Variants in TEX15 observed in about 807,000 individuals in gnomAD.
TEX15 encodes testis expressed 15, meiosis and synapsis associated, also known as testis-expressed protein 15.
Under a neutral mutation model 237.3 loss-of-function variants are expected in TEX15, and 171 were observed. The observed-to-expected ratio is 0.72, with a 90% confidence interval of 0.64 to 0.82. The LOEUF (loss-of-function observed/expected upper bound fraction) is 0.82. Ranked by LOEUF, TEX15 falls within the 40% of genes least tolerant of loss-of-function variation. The probability of loss-of-function intolerance (pLI) is 0.00; values close to 1 mark genes in which losing one functional copy is unlikely to be tolerated. For missense variants in TEX15, 3,750 were observed against 3,646.5 expected (o/e 1.03, Z -0.73); for synonymous variants, 1,338 against 1,269.8 (o/e 1.05, Z -1.14).
rs150165328 is a variant in TEX15 at position 30,842,559 on chromosome 8, A to T, written c.7608T>A (p.Tyr2536Ter). The change falls in exon 8 of 11, where the codon TAT (tyrosine) becomes TAA (stop). Residue 2536 changes from tyrosine (Y) to a stop codon, truncating the protein, a stop_gained. Coordinates refer to ENST00000643185, the MANE Select transcript of TEX15 (RefSeq NM_001350162.2). LOFTEE classifies it high-confidence loss of function. ...GTTCTCTTGAGAGCAAATGAATAGC[A>T]TATGAGCAATTAACAGCTTCATTAT... ...CKYNEAVNCSYAIHLLSRELQ... is the reference protein window; with the variant it reads ...CKYNEAVNCS The T allele has an allele frequency of 2.5e-6, 4 of 1,610,724 alleles. No homozygotes were observed. Among genetic ancestry groups the T allele is most frequent in the Non-Finnish European group, 3.4e-6 (4 of 1,179,612 alleles).
In TEX15 at chr8:30,849,095, T is replaced by C. The variant is rs1301792373; in HGVS notation, c.1072A>G (p.Ser358Gly). ...GCTAAACTGTGCTCTGTCTGTCCAC[T>C]GTATGTTTCAGGTATAGAAATGTTT... ...NGNISIPETY[S>G]GQTEHSLAEI... is the part of the protein sequence containing the mutation. Residue 358 changes from serine to glycine, a missense_variant, in exon 8 of 11, where the codon AGT becomes GGT. Ser to Gly is a moderately conservative substitution (Grantham distance 56). Transcript: ENST00000643185. 6.8e-6 allele frequency: 11 copies of C among 1,612,394 alleles called. No homozygotes were observed. The highest frequency in any genetic ancestry group is 3.3e-5 in the South Asian group (3 of 90,988).
intron 4 of TEX15, among the ~76,000 whole-genome samples, chr8:30,871,461 G>A (rs981442384): frequency 5.9e-5 from 9 of 152,066 alleles, no homozygotes; most frequent in Admixed American, 2.0e-4. Flanking sequence ...GCCACCAGAA[G>A]AGAAACAGAC....
intron 3 of TEX15, among the ~76,000 whole-genome samples, chr8:30,882,385 C>T (rs999858908): frequency 2.2e-4 from 34 of 152,228 alleles, no homozygotes; most frequent in Non-Finnish European, 2.1e-4. Context: ...CTCCTGGGCT[C>T]ACACCATTCT....
intron 3 of TEX15, among the ~76,000 whole-genome samples, chr8:30,885,126 C>T (rs1456921088): frequency 1.3e-5 from 2 of 151,776 alleles, no homozygotes; most frequent in African/African-American, 4.8e-5. Flanking sequence ...GGGTATTTTC[C>T]AGCTATCTTT....
At chr8:30,890,650 C>G (rs550636971) in intron 2 of TEX15, 1 of 152,208 alleles carries the variant, frequency 6.6e-6, no homozygotes, top group Non-Finnish European at 1.5e-5. Flanking sequence ...GCTTGCCAGA[C>G]TTCTATGACT....
chr8:30,875,161 C>T, intron 3 of TEX15, 59 bp from the exon 4 acceptor site: 6 of 1,087,074 alleles, frequency 5.5e-6, no homozygotes, highest in Non-Finnish European at 5.8e-6. Flanking sequence ...GACATCTGTA[C>T]AATGACAACT....
chr8:30,848,218 T>G lies in TEX15; in HGVS notation c.1949A>C (p.Glu650Ala), dbSNP rs771556414. ...WKEIDNDFTN[E>A]TKISPIDNYI... Reference sequence around the variant, plus strand: ...ATTATCTATTGGACTGATTTTTGTTTCATTAGTGAAATCATTATCAATTTC... The same window carrying G: ...ATTATCTATTGGACTGATTTTTGTTGCATTAGTGAAATCATTATCAATTTC... Residue 650 changes from glutamate to alanine, a missense_variant, in exon 8 of 11, where the codon GAA becomes GCA. Glu to Ala is a moderately radical substitution (Grantham distance 107). Transcript: ENST00000643185. The G allele has an allele frequency of 6.2e-7, 1 of 1,612,840 alleles. No homozygotes were observed. Among genetic ancestry groups the G allele is most frequent in the South Asian group, 1.1e-5 (1 of 90,666 alleles).
chr8:30,846,183 CCT>C lies in TEX15; in HGVS notation c.3982_3983del (p.Arg1328GlufsTer9). On this transcript the variant is annotated frameshift_variant, in exon 8 of 11. Coordinates refer to ENST00000643185, the MANE Select transcript of TEX15 (RefSeq NM_001350162.2). LOFTEE classifies it high-confidence loss of function. ...CAGATGAGTCTTGACTGGTTAGCCT[CCT>C]CTTTCTCCCATAAATTTTATGTCGT... ...LRRHKIYGRKRRLTSQDSSEC... is the reference protein window; with the variant it reads ...LRRHKIYGRKXRLTSQDSSEC... 6.2e-7 allele frequency: 1 copy of C among 1,613,132 alleles called. No individual in the cohort carries two copies. Among genetic ancestry groups the C allele is most frequent in the Non-Finnish European group, 8.5e-7 (1 of 1,179,566 alleles).
chr8:30,904,256 G>A (rs1809056425), intron 1 of TEX15, among the ~76,000 whole-genome samples: 1 of 152,138 alleles, frequency 6.6e-6, no homozygotes, highest in Non-Finnish European at 1.5e-5. Context: ...AGACCAGCCT[G>A]GCCAACACGG....
rs1438820495 is a variant in TEX15 at position 30,833,323 on chromosome 8, G to A, written c.9482C>T (p.Ala3161Val). ...FVPPEVPWVY[A>V]PWHQESFHPG... ...ATGAAAGGATTCTTGGTGCCATGGA[G>A]CTGGAAGAAAAAACACCACAAAGAT... The change falls in exon 11 of 11, where the codon GCT becomes GTT. Residue 3161 changes from alanine (A) to valine (V), a missense_variant and splice_region_variant. By Grantham distance (64) the Ala-to-Val change is moderately conservative (BLOSUM62 0). Coordinates refer to ENST00000643185, the MANE Select transcript of TEX15 (RefSeq NM_001350162.2). 6.3e-7 allele frequency: 1 copy of A among 1,593,018 alleles called. No individual in the cohort carries two copies. Among genetic ancestry groups the A allele is most frequent in the South Asian group, 1.1e-5 (1 of 87,246 alleles).
At chr8:30,912,380 AT>A (rs1199573685) in intron 1 of TEX15, among the ~76,000 whole-genome samples, 1 of 143,532 alleles carries the variant, frequency 7.0e-6, no homozygotes, top group Non-Finnish European at 1.5e-5. Flanking sequence ...CACCACGAAG[AT>A]CCCCACGCGC....
At chr8:30,860,289 T>C (rs775026676) in intron 5 of TEX15, among the ~76,000 whole-genome samples, 77 of 151,494 alleles carry the variant, frequency 5.1e-4, no homozygotes, top group Non-Finnish European at 6.3e-4. Context: ...GCCCAGCTAA[T>C]TTTTGTAGGA....
In TEX15 at chr8:30,846,528, ATT is replaced by A; in HGVS notation, c.3637_3638del (p.Asn1213CysfsTer6). 1 of 1,613,700 alleles carries A rather than the reference ATT, an allele frequency of 6.2e-7. No homozygotes were observed. Among genetic ancestry groups the A allele is most frequent in the East Asian group, 2.2e-5 (1 of 44,864 alleles). ...CTTTATCTTCACATGGATAATCTGCATTTTCACCAAAAGGCTGGGAATAAATG... is the reference window on the plus strand; with the variant it reads ...CTTTATCTTCACATGGATAATCTGCATTCACCAAAAGGCTGGGAATAAATG... The part of the protein sequence containing the change: ...FDIYSQPFGE[N>X]ADYPCEDKVD... On this transcript the variant is annotated frameshift_variant, in exon 8 of 11. Coordinates refer to ENST00000643185, the MANE Select transcript of TEX15 (RefSeq NM_001350162.2). LOFTEE classifies it high-confidence loss of function.
intron 7 of TEX15, among the ~76,000 whole-genome samples, chr8:30,852,849 T>TA (rs1315623531): frequency 1.3e-5 from 2 of 152,222 alleles, no homozygotes; most frequent in African/African-American, 4.8e-5. Context: ...ATGGAAATGT[T>TA]ATCTGTGGTA....
At chr8:30,903,345 T>A (rs1416284305) in intron 1 of TEX15, among the ~76,000 whole-genome samples, 1 of 152,202 alleles carries the variant, frequency 6.6e-6, no homozygotes, top group Non-Finnish European at 1.5e-5. Flanking sequence ...CTGCTTTTCA[T>A]CACGGGGAAA....
intron 1 of TEX15, among the ~76,000 whole-genome samples, chr8:30,902,699 C>A (rs1462715636): frequency 6.6e-6 from 1 of 152,204 alleles, no homozygotes; most frequent in Non-Finnish European, 1.5e-5. Context: ...GTATCAGAAT[C>A]ACCTAGAGGG....
chr8:30,879,373 G>A (rs927112552), intron 3 of TEX15, among the ~76,000 whole-genome samples: 2 of 152,140 alleles, frequency 1.3e-5, no homozygotes, highest in African/African-American at 4.8e-5. Context: ...TCCTGAAGAT[G>A]TTCTCTCATG....
Position 30,842,863 on chromosome 8 carries a change from A to G in TEX15, c.7304T>C (p.Ile2435Thr), listed in dbSNP as rs141411241. Residue 2435 changes from isoleucine (I) to threonine (T), a missense_variant, in exon 8 of 11, where the codon ATC (isoleucine) becomes ACC (threonine). By Grantham distance (89) the Ile-to-Thr change is moderately conservative (BLOSUM62 -1). Transcript: ENST00000643185. ...DVVINHSHEA[I>T]ILKPEAIEMY... is the part of the protein sequence containing the mutation. ...TTCAATAGCTTCAGGCTTTAAAATGATAGCCTCATGGCTGTGGTTTATCAC... is the reference window on the plus strand; with the variant it reads ...TTCAATAGCTTCAGGCTTTAAAATGGTAGCCTCATGGCTGTGGTTTATCAC... 1.9e-4 allele frequency: 305 copies of G among 1,612,012 alleles called. No individual in the cohort carries two copies. The African/African-American group carries it at 3.1e-3, about 16-fold the overall frequency.
chr8:30,887,889 C>CACAT (rs1491463632), intron 2 of TEX15: 3 of 108,056 alleles, frequency 2.8e-5, no homozygotes, highest in Admixed American at 2.0e-4. Flanking sequence ...ATATATATTT[C>CACAT]ATATATATAT....
Sources: allele counts gnomAD v4.1 joint callset (sites outside exome capture counted in the v4.1 genomes callset), GRCh38; gene constraint gnomAD v4.1.1; transcripts MANE v1.5; gene names NCBI Gene and HGNC (gene_info 2026-07-23, HGNC 2026-07-21).